Variants in PRELID2 observed in about 807,000 individuals in gnomAD.
PRELID2 encodes the protein PRELI domain containing 2, also known as PRELI domain-containing protein 2.
A neutral mutation model predicts 28.4 loss-of-function variants in PRELID2; 25 were observed. The ratio of observed to expected loss-of-function variants is 0.88; its 90% CI spans 0.64 to 1.23. The LOEUF is 1.23. Among genes scored for constraint, PRELID2 ranks in the 50% most tolerant of loss-of-function variants. PRELID2 has a pLI of 0.00. For missense variants in PRELID2, 201 were observed against 214.4 expected (o/e 0.94, Z 0.39); for synonymous variants, 76 against 71.6 (o/e 1.06, Z -0.31).
chr5:145,413,454 A>G, the PRELID2 span, among the ~76,000 whole-genome samples: 5 of 152,206 alleles, frequency 3.3e-5, no homozygotes, highest in Admixed American at 2.6e-4. Flanking sequence ...TAGAACTACC[A>G]TTTGATCCAG....
chr5:145,787,439 A>G (rs1279155769), intron 5 of PRELID2, among the ~76,000 whole-genome samples: 3 of 152,156 alleles, frequency 2.0e-5, no homozygotes, highest in Non-Finnish European at 4.4e-5. Context: ...TTCACTTCAC[A>G]CGGAAGATGT....
chr5:145,781,785 C>A (rs1255912211), intron 5 of PRELID2, among the ~76,000 whole-genome samples: 1 of 145,780 alleles, frequency 6.9e-6, no homozygotes, highest in Non-Finnish European at 1.5e-5. Flanking sequence ...TATACTATAT[C>A]TATATACACA....
chr5:145,333,569 T>G, the PRELID2 span, among the ~76,000 whole-genome samples: 40,864 of 151,980 alleles, frequency 0.27, 5,636 homozygotes, highest in South Asian at 0.33. Flanking sequence ...TGTTTACAGT[T>G]AGAGGGGAAA....
In PRELID2 at chr5:145,508,665, G is replaced by T. The variant is rs117861255; in HGVS notation, n.71-35350C>A. ...CACCTATCTTCTCCTCTTGCTCATG[G>T]TCCTGACTCACTTGCTCCTAAATCA... On this transcript the variant is annotated intron_variant and non_coding_transcript_variant, in intron 1 of 2. Coordinates refer to the PRELID2 transcript ENST00000510259. Among the ~76,000 whole-genome samples the T allele has an allele frequency of 5.8e-4, 89 of 152,170 alleles. No individual in the cohort carries two copies. In the East Asian group the frequency reaches 9.5e-3, roughly 16 times the overall value.
chr5:145,629,433 C>G (rs1753901678), intron 1 of PRELID2, among the ~76,000 whole-genome samples: 1 of 152,192 alleles, frequency 6.6e-6, no homozygotes, highest in African/African-American at 2.4e-5. Flanking sequence ...TCCTGACCTC[C>G]CTTTGTGTAC....
chr5:145,264,969 TAAAAAAAAAAAAAA>T, the PRELID2 span, among the ~76,000 whole-genome samples: 2 of 56,876 alleles, frequency 3.5e-5, no homozygotes, highest in Non-Finnish European at 7.3e-5. Flanking sequence ...AGTGCAACTC[TAAAAAAAAAAAAAA>T]AAAAAAAAAA....
At chr5:145,415,018 C>A in the PRELID2 span, among the ~76,000 whole-genome samples, 6 of 152,166 alleles carry the variant, frequency 3.9e-5, no homozygotes, top group African/African-American at 1.4e-4. Context: ...ATAGAACTCT[C>A]CACCCCAAAA....
chr5:145,702,934 T>C (rs1755443551), intron 1 of PRELID2, among the ~76,000 whole-genome samples: 1 of 152,176 alleles, frequency 6.6e-6, no homozygotes, highest in South Asian at 2.1e-4. Flanking sequence ...ATTTAGCAGA[T>C]TGATATATAA....
chr5:145,289,356 G>T, the PRELID2 span, among the ~76,000 whole-genome samples: 1 of 152,002 alleles, frequency 6.6e-6, no homozygotes, highest in African/African-American at 2.4e-5. Flanking sequence ...AATACAGTAG[G>T]TAGCCTTCTA....
chr5:145,674,934 C>T (rs187004624), intron 1 of PRELID2, among the ~76,000 whole-genome samples: 1 of 135,304 alleles, frequency 7.4e-6, no homozygotes, highest in Non-Finnish European at 1.6e-5. Flanking sequence ...GATTCAGTAT[C>T]AAAAAAAAAA....
intron 1 of PRELID2, among the ~76,000 whole-genome samples, chr5:145,614,845 G>A (rs912932485): frequency 9.9e-5 from 15 of 152,094 alleles, no homozygotes; most frequent in African/African-American, 3.6e-4. Context: ...GGTTGCTCTG[G>A]CTAGGACTTC....
At chr5:145,715,768 GCTT>G (rs1435197260) in intron 1 of PRELID2, among the ~76,000 whole-genome samples, 3 of 152,166 alleles carry the variant, frequency 2.0e-5, no homozygotes, top group Non-Finnish European at 4.4e-5. Flanking sequence ...CCCATGGATG[GCTT>G]CTTCTTGTCA....
chr5:145,642,848 C>T lies in PRELID2; in HGVS notation n.70+122083G>A, dbSNP rs149036360. Among the ~76,000 whole-genome samples the T allele has an allele frequency of 9.3e-3, 1,413 of 152,108 alleles. 23 individuals carry two copies. Among genetic ancestry groups the T allele is most frequent in the African/African-American group, 0.031 (1,300 of 41,506 alleles). Reference sequence around the variant, plus strand: ...TGTAGATGTGTGGTGTTATTTCTGACACCTCTGTTCTGCTCCATCGGTCAA... The same window carrying T: ...TGTAGATGTGTGGTGTTATTTCTGATACCTCTGTTCTGCTCCATCGGTCAA... On this transcript the variant is annotated intron_variant and non_coding_transcript_variant, in intron 1 of 2. Transcript: ENST00000510259.
chr5:145,753,321 T>C (rs77117523), downstream of PRELID2, among the ~76,000 whole-genome samples: 48 of 152,266 alleles, frequency 3.2e-4, 1 homozygote, highest in East Asian at 8.7e-3. Context: ...TTCAAGACAA[T>C]CAAGTGTCTG....
the PRELID2 span, among the ~76,000 whole-genome samples, chr5:145,431,006 G>GTTTTTTT: frequency 7.2e-5 from 4 of 55,552 alleles, no homozygotes; most frequent in South Asian, 8.4e-4. Flanking sequence ...CCTGGCAATG[G>GTTTTTTT]TTTTTTTTTT....
chr5:145,508,308 A>C (rs1752430479), intron 1 of PRELID2, among the ~76,000 whole-genome samples: 1 of 152,168 alleles, frequency 6.6e-6, no homozygotes, highest in South Asian at 2.1e-4. Context: ...TAAAAAATGT[A>C]AAGATTATCT....
the PRELID2 span, among the ~76,000 whole-genome samples, chr5:145,337,686 A>AATATATATATATATAT: frequency 2.5e-5 from 2 of 79,874 alleles, no homozygotes; most frequent in Non-Finnish European, 4.8e-5. Context: ...GCATAGGGCA[A>AATATATATATATATAT]ATATATATAT....
chr5:145,353,092 G>A, the PRELID2 span, among the ~76,000 whole-genome samples: 1 of 151,922 alleles, frequency 6.6e-6, no homozygotes, highest in South Asian at 2.1e-4. Context: ...ACATTTTCAG[G>A]CATCTTTATA....
rs189230862 is a variant in PRELID2, at chr5:145,729,769, C to T, written n.70+35162G>A. Among the ~76,000 whole-genome samples the T allele has an allele frequency of 1.2e-3, 182 of 152,220 alleles. 1 individual carries two copies. Among genetic ancestry groups the T allele is most frequent in the Admixed American group, 2.0e-3 (30 of 15,282 alleles). On this transcript the variant is annotated intron_variant and non_coding_transcript_variant, in intron 1 of 2. Coordinates refer to the PRELID2 transcript ENST00000510259. ...AATGTTGGGGTGATCAGACCCAACA[C>T]CAGGTCGTGGGGGCAATGAAGTCCG... is the stretch of plus-strand genomic sequence containing the variant.
Sources: gnomAD v4.1 joint callset for allele counts (sites outside exome capture counted in the v4.1 genomes callset) on GRCh38, gnomAD v4.1.1 for gene constraint, MANE v1.5 for transcripts, NCBI Gene and HGNC (gene_info 2026-07-23, HGNC 2026-07-21) for gene names.